Variants in ACAT1 observed in about 807,000 individuals in gnomAD.
ACAT1 encodes acetyl-CoA acetyltransferase 1.
ACAT1 carries 28 observed loss-of-function variants against 47.3 expected under a neutral mutation model. That is an observed-to-expected ratio of 0.59 (90% CI 0.44 to 0.81). The LOEUF is 0.81. ACAT1 is among the 30% of genes least tolerant of loss of function. The pLI, the probability that ACAT1 is intolerant of heterozygous loss-of-function variation, is 0.00. For missense variants in ACAT1, 469 were observed against 524.3 expected, an observed-to-expected ratio of 0.89 and a Z score of 1.03; for synonymous variants, 181 against 173.6, an observed-to-expected ratio of 1.04 and a Z score of -0.34.
chr11:108,137,306 C>G (rs1008439549), intron 5 of ACAT1, among the ~76,000 whole-genome samples: 7 of 152,096 alleles, frequency 4.6e-5, no homozygotes, highest in East Asian at 1.9e-4. Context: ...CTCTGGAGAG[C>G]TTTAACTAGT....
In ACAT1 at chr11:108,135,853, A is replaced by T. The variant is rs75243917; in HGVS notation, c.435+611A>T. On this transcript the variant is annotated intron_variant, in intron 5 of 11. Coordinates refer to ENST00000265838, the MANE Select transcript of ACAT1 (RefSeq NM_000019.4). ...AAAAAAAATTGTTTTTAGTCAAGGC[A>T]TTTGGGTCTTTCTCTGAGGCTGGGT... 5.8e-3 allele frequency among the ~76,000 whole-genome samples: 881 copies of T among 152,172 alleles called. 33 individuals are homozygous for T. In the East Asian group the frequency reaches 0.1, roughly 17 times the overall value.
chr11:108,130,472 C>A (rs757609121), intron 1 of ACAT1, among the ~76,000 whole-genome samples: 4 of 152,028 alleles, frequency 2.6e-5, no homozygotes, highest in Non-Finnish European at 4.4e-5. Flanking sequence ...TGGCTCACTG[C>A]AAGCTCTGCC....
At position 108,147,554 on chromosome 11, in the gene ACAT1, A is replaced by AAATT; in HGVS notation, c.*167_*170dup. On this transcript the variant is annotated 3_prime_UTR_variant, in exon 12 of 12. Transcript: ENST00000265838. ...AATGATGAAATCCCAAAACATTTTG[A>AAATT]AATTAAAAATAAATTTCTTCTTCTG... 1 of 969,522 alleles carries AAATT rather than the reference A, an allele frequency of 1.0e-6. No homozygotes were observed. Among genetic ancestry groups the AAATT allele is most frequent in the Non-Finnish European group, 1.5e-6 (1 of 674,864 alleles). 60.1% of individuals were successfully genotyped at this position (969,522 alleles called of 1,614,324 possible). A position where few individuals can be genotyped will look rare whatever the true frequency, so the allele number is the denominator to read the frequency against.
intron 8 of ACAT1, 87 bp downstream of exon 8, chr11:108,141,787 TCTAG>T: frequency 6.6e-6 from 6 of 905,158 alleles, no homozygotes; most frequent in South Asian, 2.8e-5. Context: ...TTTGAAAAAT[TCTAG>T]AAAACATCTA....
chr11:108,129,222 C>G (rs1415980778), intron 1 of ACAT1: 1 of 152,206 alleles, frequency 6.6e-6, no homozygotes. Context: ...TTATTTCATT[C>G]CTTGTTACGG....
chr11:108,139,954 G>T, intron 6 of ACAT1, 111 bp from the exon 7 acceptor site: 1 of 1,376,784 alleles, frequency 7.3e-7, no homozygotes, highest in Non-Finnish European at 9.9e-7. Flanking sequence ...TCCGGCCTAA[G>T]AAATATATTT....
chr11:108,134,249 A>G lies in ACAT1; in HGVS notation c.267A>G (p.Ala89=), dbSNP rs1380608828. 3.1e-6 allele frequency: 5 copies of G among 1,613,506 alleles called. No homozygotes were observed. The highest frequency in any genetic ancestry group is 1.3e-5 in the African/African-American group (1 of 74,826). The change falls in exon 4 of 12, where the codon GCA becomes GCG. Residue 89 remains alanine, a synonymous_variant. Transcript: ENST00000265838. ...AGIPKEEVKE[A]YMGNVLQGGE... Reference sequence around the variant, plus strand: ...TTCCAAAAGAAGAAGTGAAAGAAGCATACATGGGTAATGTTCTACAAGGAG... The same window carrying G: ...TTCCAAAAGAAGAAGTGAAAGAAGCGTACATGGGTAATGTTCTACAAGGAG...
At chr11:108,117,290 A>G (rs1207723881), upstream of ACAT1, among the ~76,000 whole-genome samples, 4 of 150,338 alleles carry the variant, frequency 2.7e-5, no homozygotes, top group Non-Finnish European at 5.9e-5. Context: ...TGGGTGACAG[A>G]GCAAGGCTCT....
chr11:108,146,295 T>C lies in ACAT1; in HGVS notation c.1099T>C (p.Leu367=), dbSNP rs756978324. The part of the protein sequence containing the change: ...SLVVLANIKM[L]EIDPQKVNIN... ...GGTTGTACTAGCAAACATTAAAATGTTGGAGATTGATCCCCAAAAAGTGAA... is the reference window on the plus strand; with the variant it reads ...GGTTGTACTAGCAAACATTAAAATGCTGGAGATTGATCCCCAAAAAGTGAA... The change falls in exon 11 of 12, where the codon TTG becomes CTG. Residue 367 remains leucine (L), a synonymous_variant. Transcript: ENST00000265838. 3.1e-6 allele frequency: 5 copies of C among 1,613,950 alleles called. No homozygotes were observed. The South Asian group carries it at 5.5e-5, about 18-fold the overall frequency.
chr11:108,138,389 T>C lies in ACAT1; in HGVS notation c.436-509T>C, dbSNP rs187983879. Among the ~76,000 whole-genome samples, 104 of 151,484 alleles carry C rather than the reference T, an allele frequency of 6.9e-4. 1 individual carries two copies. The highest frequency in any genetic ancestry group is 2.3e-3 in the African/African-American group (97 of 41,338). On this transcript the variant is annotated intron_variant, in intron 5 of 11. Transcript: ENST00000265838. The stretch of plus-strand genomic sequence containing the variant: ...GGCACGATCTCAGCTCACTGCAATC[T>C]CCGCCTCTACTTTTTTTTTTTTTCT...
intron 1 of ACAT1, 80 bp from the exon 2 acceptor site, chr11:108,131,827 A>G (rs1406265715): frequency 1.2e-5 from 8 of 653,988 alleles, no homozygotes; most frequent in African/African-American, 3.8e-5. Flanking sequence ...AGAAACCACT[A>G]TAACCTTATC....
intron 9 of ACAT1, 98 bp from the exon 10 acceptor site, chr11:108,143,885 G>A: frequency 7.2e-7 from 1 of 1,388,588 alleles, no homozygotes; most frequent in Non-Finnish European, 1.0e-6. Context: ...AAAGGGGCTA[G>A]GAAATGTGCA....
At chr11:108,133,727 A>G (rs2077405545) in intron 2 of ACAT1, 93 bp from the exon 3 acceptor site, 1 of 1,030,244 alleles carries the variant, frequency 9.7e-7, no homozygotes, top group Non-Finnish European at 1.5e-6. Context: ...ACTCATTCAT[A>G]GAAGTGTTTT....
intron 11 of ACAT1, 138 bp from the exon 12 acceptor site, chr11:108,147,132 G>T: frequency 9.7e-7 from 1 of 1,036,004 alleles, no homozygotes; most frequent in Non-Finnish European, 1.4e-6. Context: ...CCAAGTTTTA[G>T]TTTTAGAATA....
intron 7 of ACAT1, 79 bp from the exon 8 acceptor site, chr11:108,141,526 A>G (rs190607067): frequency 2.1e-4 from 213 of 1,016,178 alleles, no homozygotes; most frequent in Non-Finnish European, 2.9e-4. Context: ...GGCACAGACT[A>G]CTAGGCATCT....
upstream of ACAT1, among the ~76,000 whole-genome samples, chr11:108,118,534 C>G (rs919599055): frequency 5.9e-5 from 9 of 152,106 alleles, no homozygotes; most frequent in Non-Finnish European, 1.2e-4. Context: ...CCCTCCATGC[C>G]CAGCTAATTT....
At chr11:108,131,218 G>T (rs748501557) in intron 1 of ACAT1, among the ~76,000 whole-genome samples, 1 of 151,938 alleles carries the variant, frequency 6.6e-6, no homozygotes, top group Non-Finnish European at 1.5e-5. Flanking sequence ...AAGTGGATAG[G>T]GAGAAACAGC....
At chr11:108,118,054 A>G (rs183264581), upstream of ACAT1, among the ~76,000 whole-genome samples, 267 of 152,314 alleles carry the variant, frequency 1.8e-3, 1 homozygote, top group South Asian at 3.5e-3. Context: ...ATCTGTCCAG[A>G]CACTATTGCC....
At chr11:108,122,563 C>G (rs770007687) in intron 1 of ACAT1, among the ~76,000 whole-genome samples, 2 of 152,184 alleles carry the variant, frequency 1.3e-5, no homozygotes, top group Non-Finnish European at 2.9e-5. Flanking sequence ...CTAGTTCTTA[C>G]GTCTGGGCGT....
Sources: allele counts gnomAD v4.1 joint callset (sites outside exome capture counted in the v4.1 genomes callset), GRCh38; gene constraint gnomAD v4.1.1; transcripts MANE v1.5; gene names NCBI Gene and HGNC (gene_info 2026-07-23, HGNC 2026-07-21).